Variants in SNX30 observed in about 807,000 individuals in gnomAD.
The protein encoded by SNX30 is sorting nexin-30.
Under a neutral mutation model 46.4 loss-of-function variants are expected in SNX30, and 24 were observed. The ratio of observed to expected loss-of-function variants is 0.52; its 90% CI spans 0.37 to 0.73. The LOEUF is 0.73. Among genes scored for constraint, SNX30 ranks in the 30% least tolerant of loss-of-function variants. The probability of loss-of-function intolerance (pLI) is 0.00; values close to 1 mark genes in which losing one functional copy is unlikely to be tolerated. For synonymous variants in SNX30, 189 were observed against 211.5 expected (o/e 0.89, Z 0.92); for missense variants, 533 against 555.7 (o/e 0.96, Z 0.41).
At chr9:112,776,851 G>A (rs1231322870) in intron 1 of SNX30, among the ~76,000 whole-genome samples, 2 of 152,184 alleles carry the variant, frequency 1.3e-5, no homozygotes, top group Admixed American at 1.3e-4. Context: ...CTAAGGAAGT[G>A]GGGAAGAGTT....
intron 6 of SNX30, 59 bp from the exon 7 acceptor site, chr9:112,850,800 G>A (rs183711606): frequency 1.8e-5 from 23 of 1,312,054 alleles, no homozygotes; most frequent in Non-Finnish European, 2.2e-6. Context: ...AATTGCCTGG[G>A]GGTGGGAGGC....
intron 7 of SNX30, among the ~76,000 whole-genome samples, chr9:112,857,610 T>A (rs1841155238): frequency 6.6e-6 from 1 of 152,208 alleles, no homozygotes; most frequent in South Asian, 2.1e-4. Context: ...ATCTGTCTTG[T>A]GTAGTCTTTG....
intron 3 of SNX30, among the ~76,000 whole-genome samples, chr9:112,818,064 A>G (rs1379128320): frequency 6.6e-6 from 1 of 152,200 alleles, no homozygotes; most frequent in Non-Finnish European, 1.5e-5. Context: ...CACAGAATCC[A>G]TTGCCACAGT....
At chr9:112,756,435 C>CTTTTTT (rs61338659) in intron 1 of SNX30, among the ~76,000 whole-genome samples, 2 of 67,404 alleles carry the variant, frequency 3.0e-5, no homozygotes, top group African/African-American at 1.4e-4. Flanking sequence ...TGTAATCATC[C>CTTTTTT]TTTTTTTTTT....
At chr9:112,850,340 T>C (rs980332543) in intron 6 of SNX30, among the ~76,000 whole-genome samples, 1 of 152,242 alleles carries the variant, frequency 6.6e-6, no homozygotes, top group African/African-American at 2.4e-5. Flanking sequence ...CTCTGCTCTT[T>C]CTATACCTGG....
At chr9:112,843,308 T>G (rs1170538164) in intron 6 of SNX30, among the ~76,000 whole-genome samples, 1 of 152,188 alleles carries the variant, frequency 6.6e-6, no homozygotes, top group Non-Finnish European at 1.5e-5. Context: ...TTTATCTATG[T>G]CAATACGCAT....
At chr9:112,825,212 T>C (rs573418765) in intron 3 of SNX30, among the ~76,000 whole-genome samples, 1 of 152,352 alleles carries the variant, frequency 6.6e-6, no homozygotes, top group South Asian at 2.1e-4. Context: ...ACTAGAAATG[T>C]ATGAGGGCCC....
chr9:112,842,825 T>C (rs1316157434), intron 6 of SNX30, among the ~76,000 whole-genome samples: 1 of 152,138 alleles, frequency 6.6e-6, no homozygotes, highest in Non-Finnish European at 1.5e-5. Context: ...AATGGAACAA[T>C]GTGAGTTTAA....
intron 2 of SNX30, 151 bp from the exon 3 acceptor site, chr9:112,817,554 G>C: frequency 1.7e-6 from 1 of 602,642 alleles, no homozygotes; most frequent in Non-Finnish European, 3.0e-6. Context: ...GGTCTATTCT[G>C]TGTTGGTAAA....
Position 112,797,324 on chromosome 9 carries a change from T to A in SNX30, c.157-7452T>A, listed in dbSNP as rs1398863088. 2.0e-5 allele frequency among the ~76,000 whole-genome samples: 3 copies of A among 152,132 alleles called. No individual in the cohort carries two copies. In the East Asian group the frequency reaches 5.8e-4, roughly 29 times the overall value. ...CTGACTACCCTCCTACCCACTACTC[T>A]CTTTTAAAAACGTCATAGAAAATTT... On this transcript the variant is annotated intron_variant, in intron 1 of 8. Coordinates refer to ENST00000374232, the MANE Select transcript of SNX30 (RefSeq NM_001012994.2).
At chr9:112,768,044 A>G (rs1839575093) in intron 1 of SNX30, among the ~76,000 whole-genome samples, 1 of 152,150 alleles carries the variant, frequency 6.6e-6, no homozygotes, top group Admixed American at 6.5e-5. Context: ...GCCAGAATCC[A>G]CCTTCATAAA....
rs1162301619 is a variant in SNX30 at position 112,830,721 on chromosome 9, A to G, written c.460-4A>G. ...CTCTGGTTTTTTTCTTCATGTCTTC[A>G]TAGCCTCTTCCCGAGAAGTTTGTGG... On this transcript the variant is annotated splice_region_variant and splice_polypyrimidine_tract_variant and intron_variant, in intron 3 of 8. Coordinates refer to ENST00000374232, the MANE Select transcript of SNX30 (RefSeq NM_001012994.2). The G allele has an allele frequency of 1.9e-6, 3 of 1,607,142 alleles. No individual in the cohort carries two copies. Among genetic ancestry groups the G allele is most frequent in the Non-Finnish European group, 2.5e-6 (3 of 1,178,254 alleles).
chr9:112,848,821 G>A (rs542507576), intron 6 of SNX30, among the ~76,000 whole-genome samples: 1 of 152,328 alleles, frequency 6.6e-6, no homozygotes, highest in South Asian at 2.1e-4. Flanking sequence ...TTGGGCATGG[G>A]GAGAGGAGAT....
intron 1 of SNX30, among the ~76,000 whole-genome samples, chr9:112,760,984 G>C (rs1366649372): frequency 6.6e-6 from 1 of 152,188 alleles, no homozygotes; most frequent in African/African-American, 2.4e-5. Context: ...GCCGCTGGAG[G>C]AGGACTGAAT....
At chr9:112,863,282 A>T (rs1841266473) in intron 7 of SNX30, among the ~76,000 whole-genome samples, 1 of 152,238 alleles carries the variant, frequency 6.6e-6, no homozygotes, top group Non-Finnish European at 1.5e-5. Flanking sequence ...CACACCAAAC[A>T]TAAAAGGCCT....
chr9:112,812,215 AAAAT>A (rs1840331488), intron 2 of SNX30, among the ~76,000 whole-genome samples: 1 of 152,180 alleles, frequency 6.6e-6, no homozygotes. Flanking sequence ...AAAAATAAGT[AAAAT>A]AAATACTGGG....
At chr9:112,859,568 C>A (rs1216722173) in intron 7 of SNX30, among the ~76,000 whole-genome samples, 1 of 152,190 alleles carries the variant, frequency 6.6e-6, no homozygotes, top group Non-Finnish European at 1.5e-5. Context: ...TTTTACAATC[C>A]ACCAACAATG....
At chr9:112,867,868 A>C (rs1841386490) in intron 8 of SNX30, among the ~76,000 whole-genome samples, 1 of 151,038 alleles carries the variant, frequency 6.6e-6, no homozygotes. Context: ...GTCCTCCTCC[A>C]CCCCTGGGGC....
In SNX30 at chr9:112,832,485, T is replaced by TGA. The variant is rs1172185694; in HGVS notation, c.618+1603_618+1604insAG. On this transcript the variant is annotated intron_variant, in intron 4 of 8. Coordinates refer to ENST00000374232, the MANE Select transcript of SNX30 (RefSeq NM_001012994.2). Reference sequence around the variant, plus strand: ...GTGTGTGTGTGTGTGTGTGTGTGTGTGTGTGTGTGTGAGAGAGAGAGAGAG... The same window carrying TGA: ...GTGTGTGTGTGTGTGTGTGTGTGTGTGAGTGTGTGTGTGAGAGAGAGAGAGAG... Among the ~76,000 whole-genome samples, 26 of 130,478 alleles carry TGA rather than the reference T, an allele frequency of 2.0e-4. No individual in the cohort carries two copies. In the East Asian group the frequency reaches 4.6e-3, roughly 23 times the overall value. 85.6% of individuals were successfully genotyped at this position (130,478 alleles called of 152,430 possible).
Sources: allele counts gnomAD v4.1 joint callset (sites outside exome capture counted in the v4.1 genomes callset), GRCh38; gene constraint gnomAD v4.1.1; transcripts MANE v1.5; gene names NCBI Gene and HGNC (gene_info 2026-07-23, HGNC 2026-07-21).